The following EDRF1 variants were observed in gnomAD, a reference collection of about 807,000 sequenced individuals.
EDRF1 encodes the protein erythroid differentiation regulatory factor 1.
A neutral mutation model predicts 148.7 loss-of-function variants in EDRF1; 69 were observed. That is an observed-to-expected ratio of 0.46 (90% CI 0.38 to 0.57). The LOEUF is 0.57. Among genes scored for constraint, EDRF1 ranks in the 20% least tolerant of loss-of-function variants. The probability of loss-of-function intolerance (pLI) is 0.00; values close to 1 mark genes in which losing one functional copy is unlikely to be tolerated. For missense variants in EDRF1, 1,118 were observed against 1,478.7 expected (o/e 0.76, Z 4.00); for synonymous variants, 515 against 532.8 (o/e 0.97, Z 0.46).
At position 125,763,330 on chromosome 10, in the gene EDRF1, A is replaced by G. The variant is rs781146859; in HGVS notation, c.3575A>G (p.Lys1192Arg). 1.9e-6 allele frequency: 3 copies of G among 1,613,360 alleles called. No individual in the cohort carries two copies. Among genetic ancestry groups the G allele is most frequent in the Non-Finnish European group, 1.7e-6 (2 of 1,180,032 alleles). ...AACATCGAAGATGACACAATTCTCA[A>G]AACCAACAAGCACATTTACTCCCAG... Reference protein sequence around the residue: ...SNNIEDDTILKTNKHIYSQLL... With the variant: ...SNNIEDDTILRTNKHIYSQLL... The change falls in exon 25 of 25, where the codon AAA (lysine) becomes AGA (arginine). Residue 1192 changes from lysine to arginine, a missense_variant. Physicochemically the swap from Lys to Arg is conservative, Grantham distance 26. This residue lies in a region of EDRF1 where 954 missense variants were observed against 1,241.4 expected (regional missense o/e 0.77). Coordinates refer to ENST00000356792, the MANE Select transcript of EDRF1 (RefSeq NM_001202438.2). This position sits in a 1 kb window ranked among gnomAD's most constrained non-coding sequence, Gnocchi z 4.3.
intron 19 of EDRF1, 78 bp from the exon 20 acceptor site, chr10:125,747,458 G>GA: frequency 6.8e-7 from 1 of 1,461,396 alleles, no homozygotes; most frequent in Non-Finnish European, 9.6e-7. Context: ...GGGTAGTTGT[G>GA]AAGTGTGTTT....
At chr10:125,738,806 C>T (rs1848864464) in intron 15 of EDRF1, among the ~76,000 whole-genome samples, 1 of 152,244 alleles carries the variant, frequency 6.6e-6, no homozygotes, top group Admixed American at 6.5e-5. Flanking sequence ...CTTTGAGTCA[C>T]TTTTTATCTC....
chr10:125,729,033 GT>G lies in EDRF1; in HGVS notation c.824del (p.Val275GlyfsTer13). 2 of 1,583,114 alleles carry G rather than the reference GT, an allele frequency of 1.3e-6. No individual in the cohort carries two copies. Among genetic ancestry groups the G allele is most frequent in the Non-Finnish European group, 1.7e-6 (2 of 1,172,074 alleles). On this transcript the variant is annotated frameshift_variant, in exon 7 of 25. Transcript: ENST00000356792. LOFTEE classifies it high-confidence loss of function. ...TGAGCCTCTTGAACCCTCATACATAGTGGGGCATGTGGCCTCAGCCCCCAAA... is the reference window on the plus strand; with the variant it reads ...TGAGCCTCTTGAACCCTCATACATAGGGGGCATGTGGCCTCAGCCCCCAAA... Reference protein sequence around the residue: ...GSEPLEPSYIVGHVASAPKEQ... With the variant: ...GSEPLEPSYIXGHVASAPKEQ...
At position 125,729,954 on chromosome 10, in the gene EDRF1, A is replaced by G. The variant is rs145519993; in HGVS notation, c.1017-334A>G. On this transcript the variant is annotated intron_variant, in intron 8 of 24. Coordinates refer to ENST00000356792, the MANE Select transcript of EDRF1 (RefSeq NM_001202438.2). ...TTGATATTAGCCAATGTGAATTCCA[A>G]CTTAAGCATGGTCTTGTATGGTGTT... Among the ~76,000 whole-genome samples, 102 of 152,328 alleles carry G rather than the reference A, an allele frequency of 6.7e-4. 1 individual carries two copies. In the South Asian group the frequency reaches 0.01, roughly 15 times the overall value.
intron 1 of EDRF1, 60 bp downstream of exon 1, chr10:125,719,975 G>GTGGCATCCCTCCCCGGT: frequency 6.8e-7 from 1 of 1,480,186 alleles, no homozygotes; most frequent in Non-Finnish European, 9.4e-7. Flanking sequence ...CCGCTCCACC[G>GTGGCATCCCTCCCCGGT]GGGAGGGATG....
At position 125,735,773 on chromosome 10, in the gene EDRF1, C is replaced by G; in HGVS notation, c.1627C>G (p.Pro543Ala). 1 of 1,613,762 alleles carries G rather than the reference C, an allele frequency of 6.2e-7. No homozygotes were observed. Among genetic ancestry groups the G allele is most frequent in the Non-Finnish European group, 8.5e-7 (1 of 1,179,780 alleles). The change falls in exon 13 of 25, where the codon CCC (proline) becomes GCC (alanine). Residue 543 changes from proline to alanine, a missense_variant. Pro to Ala is a conservative substitution (Grantham distance 27, BLOSUM62 -1). This residue lies in a region of EDRF1 where 954 missense variants were observed against 1,241.4 expected (regional missense o/e 0.77). Coordinates refer to ENST00000356792, the MANE Select transcript of EDRF1 (RefSeq NM_001202438.2). ...ESYSEEEEEM[P>A]DSDENGSYST... ...TTATAGTGAAGAGGAGGAAGAGATG[C>G]CCGACAGTGATGAAAATGGATCCTA...
chr10:125,751,313 G>T (rs1411452359), intron 22 of EDRF1, among the ~76,000 whole-genome samples: 2 of 151,976 alleles, frequency 1.3e-5, no homozygotes, highest in Non-Finnish European at 2.9e-5. Flanking sequence ...TATTTTAGAG[G>T]GTTTTGTTAG....
chr10:125,755,932 T>G (rs1268064786), intron 24 of EDRF1, among the ~76,000 whole-genome samples: 4 of 152,118 alleles, frequency 2.6e-5, no homozygotes, highest in Admixed American at 6.5e-5. Flanking sequence ...CTTCCCCTCA[T>G]TGTTTCTCTC....
At chr10:125,759,709 TTTTA>T (rs1850094631) in intron 24 of EDRF1, among the ~76,000 whole-genome samples, 3 of 152,140 alleles carry the variant, frequency 2.0e-5, no homozygotes, top group South Asian at 4.1e-4. Context: ...GTGTTTTTAT[TTTTA>T]TTTATTTTTT....
intron 16 of EDRF1, 83 bp from the exon 17 acceptor site, chr10:125,740,918 T>C (rs776971518): frequency 1.9e-5 from 27 of 1,408,114 alleles, no homozygotes; most frequent in Non-Finnish European, 2.6e-5. Flanking sequence ...GTTCAGCTGG[T>C]AACACAGTTT....
At position 125,735,818 on chromosome 10, in the gene EDRF1, T is replaced by A; in HGVS notation, c.1672T>A (p.Ser558Thr). ...ATCCTATAGCACCAGCTCTGATCCA[T>A]CAGATGATAGCAAAGCAGTAGCTAT... ...NGSYSTSSDP[S>T]DDSKAVAIIK... Residue 558 changes from serine (S) to threonine (T), a missense_variant, in exon 13 of 25, where the codon TCA becomes ACA. By Grantham distance (58) the Ser-to-Thr change is moderately conservative. Coordinates refer to ENST00000356792, the MANE Select transcript of EDRF1 (RefSeq NM_001202438.2). 6.2e-7 allele frequency: 1 copy of A among 1,613,676 alleles called. No homozygotes were observed.
chr10:125,757,794 G>A (rs1849987633), intron 24 of EDRF1, among the ~76,000 whole-genome samples: 1 of 152,222 alleles, frequency 6.6e-6, no homozygotes. Context: ...GAAGCCAGCT[G>A]TGTTTCCTAC....
chr10:125,733,852 A>T (rs1443108045), intron 11 of EDRF1, 109 bp downstream of exon 11: 23 of 1,071,490 alleles, frequency 2.1e-5, no homozygotes, highest in Non-Finnish European at 1.4e-5. Flanking sequence ...AGGTTTTCAT[A>T]GTAGGGGGAA....
intron 17 of EDRF1, chr10:125,741,634 T>C (rs773228052): frequency 2.8e-4 from 56 of 196,788 alleles, no homozygotes; most frequent in Non-Finnish European, 5.0e-4. Context: ...ACTGTTTATA[T>C]AACTAGAACT....
At chr10:125,750,440 C>T (rs2133750258) in intron 22 of EDRF1, 1 of 152,338 alleles carries the variant, frequency 6.6e-6, no homozygotes, top group Non-Finnish European at 1.5e-5. Context: ...TCTTGCTCAC[C>T]TATTCTCCTC....
intron 22 of EDRF1, among the ~76,000 whole-genome samples, chr10:125,751,358 A>G (rs572933133): frequency 6.6e-6 from 1 of 150,398 alleles, no homozygotes; most frequent in Admixed American, 6.6e-5. Context: ...AAGTTAATAA[A>G]TGCTCTAGTT....
In EDRF1 at chr10:125,743,126, G is replaced by A. The variant is rs1849121551; in HGVS notation, c.2440G>A (p.Glu814Lys). 1 of 1,613,844 alleles carries A rather than the reference G, an allele frequency of 6.2e-7. No homozygotes were observed. The highest frequency in any genetic ancestry group is 1.3e-5 in the African/African-American group (1 of 74,924). Residue 814 changes from glutamate to lysine, a missense_variant, in exon 18 of 25, where the codon GAG becomes AAG. Around this residue, in one of 3 missense-constraint regions of EDRF1, gnomAD observed 954 missense variants for 1,241.4 expected, o/e 0.77. Coordinates refer to ENST00000356792, the MANE Select transcript of EDRF1 (RefSeq NM_001202438.2). Reference protein sequence around the residue: ...SQLSVSCKCYEAANEILQFSD... With the variant: ...SQLSVSCKCYKAANEILQFSD... ...ACTCTCTGTTAGTTGTAAATGTTAT[G>A]AGGCTGCTAATGAAATCTTGCAGTT...
chr10:125,763,956 A>C lies in EDRF1; in HGVS notation c.*484A>C, dbSNP rs754586744. The C allele has an allele frequency of 5.9e-6, 1 of 169,366 alleles. No individual in the cohort carries two copies. Among genetic ancestry groups the C allele is most frequent in the African/African-American group, 2.4e-5 (1 of 41,632 alleles). The allele number at this position is 169,366 out of a possible 1,614,324, so 10.5% of individuals were successfully genotyped here. A position where few individuals can be genotyped will look rare whatever the true frequency, so the allele number is the denominator to read the frequency against. Reference sequence around the variant, plus strand: ...GTGTGTTCTTCATAAGCTTCAGTGCAGGATTTTTCAAAGACGAGCTGTTGT... The same window carrying C: ...GTGTGTTCTTCATAAGCTTCAGTGCCGGATTTTTCAAAGACGAGCTGTTGT... On this transcript the variant is annotated 3_prime_UTR_variant, in exon 25 of 25. Coordinates refer to ENST00000356792, the MANE Select transcript of EDRF1 (RefSeq NM_001202438.2). The surrounding 1 kb of genome is among the most constrained non-coding windows in gnomAD (Gnocchi z 4.3).
chr10:125,734,235 A>G, intron 12 of EDRF1, 52 bp downstream of exon 12: 2 of 1,377,032 alleles, frequency 1.5e-6, no homozygotes, highest in African/African-American at 1.4e-5. Context: ...TTCTAATAGG[A>G]GATTGTTACC....
Sources: gnomAD v4.1 joint callset for allele counts (sites outside exome capture counted in the v4.1 genomes callset) on GRCh38, gnomAD v4.1.1 for gene constraint, gnomAD v4.1.1 regional missense constraint, Gnocchi (gnomAD v3.1) non-coding constraint, MANE v1.5 for transcripts, NCBI Gene and HGNC (gene_info 2026-07-23, HGNC 2026-07-21) for gene names.